Variants in MAGED1 observed in about 807,000 individuals in gnomAD.
The protein encoded by MAGED1 is melanoma-associated antigen D1.
Under a neutral mutation model 54.1 loss-of-function variants are expected in MAGED1, and 3 were observed. The observed-to-expected ratio is 0.06, with a 90% CI of 0.03 to 0.14. The LOEUF (loss-of-function observed/expected upper bound fraction) is 0.14. Ranked by LOEUF, MAGED1 falls within the 10% of genes least tolerant of loss-of-function variation. MAGED1 has a pLI of 1.00. For missense variants in MAGED1, 485 were observed against 623.4 expected, an observed-to-expected ratio of 0.78 and a Z score of 2.36; for synonymous variants, 217 against 227.3, an observed-to-expected ratio of 0.95 and a Z score of 0.41.
At chrX:51,856,443 A>G (rs1318558972) in intron 1 of MAGED1, among the ~76,000 whole-genome samples, 13 of 112,447 alleles carry the variant, frequency 1.2e-4, no homozygotes, top group African/African-American at 3.9e-4. Flanking sequence ...AGGAAAAATA[A>G]ACTCTCATGG....
intron 3 of MAGED1, 158 bp from the exon 4 acceptor site, chrX:51,896,251 C>T: frequency 4.1e-6 from 2 of 488,947 alleles, no homozygotes; most frequent in East Asian, 3.7e-5. Flanking sequence ...GAAACTCCTG[C>T]CTGGAAGACA....
chrX:51,892,320 C>T (rs1311262363), upstream of MAGED1, among the ~76,000 whole-genome samples: 1 of 112,187 alleles, frequency 8.9e-6, no homozygotes, highest in Non-Finnish European at 1.9e-5. Flanking sequence ...CGGGCTCACA[C>T]AGCTCGAGAC....
intron 1 of MAGED1, among the ~76,000 whole-genome samples, chrX:51,886,618 T>C (rs1928240157): frequency 1.9e-5 from 2 of 104,251 alleles, no homozygotes; most frequent in Non-Finnish European, 4.0e-5. Context: ...TGATAGTATA[T>C]GTAGAAATTC....
intron 6 of MAGED1, 56 bp from the exon 7 acceptor site, chrX:51,897,739 A>G (rs782602126): frequency 9.4e-6 from 10 of 1,064,277 alleles, no homozygotes; most frequent in South Asian, 1.9e-5. Flanking sequence ...GTGTCTGCCT[A>G]TGGGTAGCTT....
chrX:51,894,792 C>T, intron 2 of MAGED1: 1 of 1,143,137 alleles, frequency 8.7e-7, no homozygotes, highest in Non-Finnish European at 1.2e-6. Context: ...GTCCCCGGCT[C>T]CTGTTCGTGC....
chrX:51,824,623 T>A lies in MAGED1; in HGVS notation c.-37+21506T>A, dbSNP rs782444865. Among the ~76,000 whole-genome samples, 119 of 109,406 alleles carry A rather than the reference T, an allele frequency of 1.1e-3. 1 individual carries two copies. Among genetic ancestry groups the A allele is most frequent in the Non-Finnish European group, 1.9e-3 (98 of 52,533 alleles). On this transcript the variant is annotated intron_variant, in intron 1 of 12. Transcript: ENST00000375772. ...CAAATATCTTCTTCCTCTTTTCTAT[T>A]TTCTTCTCTGATTCCCATTATATGT... is the stretch of plus-strand genomic sequence containing the variant.
chrX:51,896,303 G>A lies in MAGED1; in HGVS notation c.754-106G>A. 4.4e-6 allele frequency: 3 copies of A among 688,297 alleles called. No homozygotes were observed. The East Asian group carries it at 1.0e-4, about 23-fold the overall frequency. The allele number at this position is 688,297 out of a possible 1,213,427, so 56.7% of individuals were successfully genotyped here. A position where few individuals can be genotyped will look rare whatever the true frequency, so the allele number is the denominator to read the frequency against. On this transcript the variant is annotated intron_variant, in intron 3 of 12. Coordinates refer to ENST00000326587, the MANE Select transcript of MAGED1 (RefSeq NM_006986.4). ...GGACTCAGGGTGACCAATGGCTAGT[G>A]GGTCAGGCTGTCACTACAGGTGAGG...
intron 1 of MAGED1, among the ~76,000 whole-genome samples, chrX:51,852,183 A>G (rs1557359815): frequency 9.0e-6 from 1 of 111,462 alleles, no homozygotes; most frequent in East Asian, 2.8e-4. Flanking sequence ...AAGCATTTTC[A>G]GCTCTCTGAC....
intron 1 of MAGED1, among the ~76,000 whole-genome samples, chrX:51,847,021 G>T (rs1280900781): frequency 8.9e-6 from 1 of 112,134 alleles, no homozygotes; most frequent in Non-Finnish European, 1.9e-5. Context: ...GCAACAGGAT[G>T]ATTACAACTT....
At chrX:51,819,982 T>G (rs782298561) in intron 1 of MAGED1, among the ~76,000 whole-genome samples, 16 of 111,889 alleles carry the variant, frequency 1.4e-4, no homozygotes, top group African/African-American at 4.9e-4. Flanking sequence ...GTATGTGGTG[T>G]GAGATAGGGG....
At chrX:51,865,180 C>T (rs1472773476) in intron 1 of MAGED1, among the ~76,000 whole-genome samples, 2 of 112,081 alleles carry the variant, frequency 1.8e-5, no homozygotes, top group African/African-American at 6.5e-5. Context: ...AATTTTGTTT[C>T]TCTTTCTCTT....
intron 1 of MAGED1, among the ~76,000 whole-genome samples, chrX:51,814,392 C>A (rs940520063): frequency 4.5e-5 from 5 of 111,394 alleles, no homozygotes; most frequent in Admixed American, 9.5e-5. Flanking sequence ...ATTAGTGGCA[C>A]CCCTGTAGCA....
rs142420965 is a variant in MAGED1, at chrX:51,836,402, G to C, written c.-37+33285G>C. Reference sequence around the variant, plus strand: ...TATGTCTTGCTTTTAAGATTGATTAGGTGGAACCAGGGTGGTGCTCAGTCT... The same window carrying C: ...TATGTCTTGCTTTTAAGATTGATTACGTGGAACCAGGGTGGTGCTCAGTCT... On this transcript the variant is annotated intron_variant, in intron 1 of 12. Transcript: ENST00000375772. Among the ~76,000 whole-genome samples, 3 of 110,762 alleles carry C rather than the reference G, an allele frequency of 2.7e-5. No homozygotes were observed. The Admixed American group carries it at 2.9e-4, about 11-fold the overall frequency.
At chrX:51,838,160 C>T (rs1926321171) in intron 1 of MAGED1, among the ~76,000 whole-genome samples, 2 of 112,414 alleles carry the variant, frequency 1.8e-5, no homozygotes, top group Non-Finnish European at 3.8e-5. Flanking sequence ...TCCGCTGTCT[C>T]AGTGCTGTAA....
In MAGED1 at chrX:51,900,247, G is replaced by A; in HGVS notation, c.1910G>A (p.Arg637His). The A allele has an allele frequency of 8.3e-7, 1 of 1,208,946 alleles. No homozygotes were observed. Among genetic ancestry groups the A allele is most frequent in the Non-Finnish European group, 1.1e-6 (1 of 894,336 alleles). Residue 637 changes from arginine (R) to histidine (H), a missense_variant, in exon 11 of 13, where the codon CGT becomes CAT. Around this residue, in one of 2 missense-constraint regions of MAGED1, gnomAD observed 186 missense variants for 330.3 expected, o/e 0.56. Coordinates refer to ENST00000326587, the MANE Select transcript of MAGED1 (RefSeq NM_006986.4). ...PPEYEFLWGL[R>H]SYHETSKMKV... ...GAGTATGAGTTCCTCTGGGGCCTCC[G>A]TTCCTACCATGAGACTAGCAAGATG... is the stretch of plus-strand genomic sequence containing the variant.
At chrX:51,894,144 G>A (rs1928581666) in intron 1 of MAGED1, 125 bp from the exon 2 acceptor site, 2 of 446,974 alleles carry the variant, frequency 4.5e-6, no homozygotes, top group South Asian at 3.8e-5. Flanking sequence ...CACTTTTACC[G>A]CTCCGATCCG....
At position 51,896,469 on chromosome X, in the gene MAGED1, G is replaced by A. The variant is rs41307638; in HGVS notation, c.814G>A (p.Ala272Thr). 62 of 1,209,747 alleles carry A rather than the reference G, an allele frequency of 5.1e-5. No homozygotes were observed. Among genetic ancestry groups the A allele is most frequent in the Non-Finnish European group, 6.7e-5 (60 of 894,779 alleles). Reference sequence around the variant, plus strand: ...GGATCAGAGGCGGGCCCCACTGGCTGCAGGGACCTGGAGGTCTGCACCAGT... The same window carrying A: ...GGATCAGAGGCGGGCCCCACTGGCTACAGGGACCTGGAGGTCTGCACCAGT... ...SGDQRRAPLA[A>T]GTWRSAPVPV... The change falls in exon 4 of 13, where the codon GCA becomes ACA. Residue 272 changes from alanine to threonine, a missense_variant. Transcript: ENST00000326587.
chrX:51,875,547 G>GT (rs1396654570), intron 1 of MAGED1, among the ~76,000 whole-genome samples: 2 of 111,732 alleles, frequency 1.8e-5, no homozygotes, highest in African/African-American at 6.5e-5. Context: ...ATTTTTAAGT[G>GT]TTTTTTGTCA....
chrX:51,862,743 G>A (rs1348838824), intron 1 of MAGED1, among the ~76,000 whole-genome samples: 1 of 111,138 alleles, frequency 9.0e-6, no homozygotes, highest in African/African-American at 3.3e-5. Flanking sequence ...TAGTGAATGA[G>A]GTCATGAAAT....
Sources: allele counts gnomAD v4.1 joint callset (sites outside exome capture counted in the v4.1 genomes callset), GRCh38; gene constraint gnomAD v4.1.1; regional missense constraint gnomAD v4.1.1; transcripts MANE v1.5; gene names NCBI Gene and HGNC (gene_info 2026-07-23, HGNC 2026-07-21).